EPC2: variants seen among roughly 807,000 people sequenced by gnomAD.
The protein encoded by EPC2 is enhancer of polycomb 2.
Under a neutral mutation model 92.1 loss-of-function variants are expected in EPC2, and 14 were observed. The observed-to-expected ratio is 0.15, with a 90% confidence interval of 0.10 to 0.24. EPC2 has a LOEUF of 0.24. EPC2 is among the 10% of genes least tolerant of loss of function. The pLI, the probability that EPC2 is intolerant of heterozygous loss-of-function variation, is 1.00. For missense variants in EPC2, 755 were observed against 971.5 expected, an observed-to-expected ratio of 0.78 and a Z score of 2.96; for synonymous variants, 340 against 334.7, an observed-to-expected ratio of 1.02 and a Z score of -0.17.
rs533342280 is a variant in EPC2 at position 148,688,905 on chromosome 2, A to G, written c.154-1309A>G. On this transcript the variant is annotated intron_variant, in intron 1 of 13. Transcript: ENST00000258484. ...GCAGTAAACAAATGAGATCTTTACT[A>G]TGATGTTGCAAAGTGGTATGGAGGA... Among the ~76,000 whole-genome samples the G allele has an allele frequency of 2.2e-4, 33 of 152,210 alleles. 1 individual carries two copies. In the South Asian group the frequency reaches 6.8e-3, roughly 32 times the overall value.
intron 1 of EPC2, among the ~76,000 whole-genome samples, chr2:148,662,424 CCAA>C (rs1427006165): frequency 6.6e-6 from 1 of 152,152 alleles, no homozygotes; most frequent in Non-Finnish European, 1.5e-5. Context: ...ACCCAAACGT[CCAA>C]CAACGATAGA....
At chr2:148,783,820 G>GTT in intron 12 of EPC2, 64 bp downstream of exon 12, 2 of 1,487,452 alleles carry the variant, frequency 1.3e-6, no homozygotes, top group Non-Finnish European at 1.8e-6. Context: ...TTGGGAGTTT[G>GTT]TTTTTTGTTT....
chr2:148,650,711 A>G (rs544137985), intron 1 of EPC2, among the ~76,000 whole-genome samples: 17 of 152,288 alleles, frequency 1.1e-4, no homozygotes, highest in Non-Finnish European at 2.2e-4. Context: ...CAGAATTACT[A>G]TTGGCACTAA....
chr2:148,728,675 A>AGCCATGATT (rs1553447415), intron 2 of EPC2, among the ~76,000 whole-genome samples: 2 of 150,614 alleles, frequency 1.3e-5, no homozygotes, highest in East Asian at 3.9e-4. Context: ...GGTTACAGTG[A>AGCCATGATT]GCCATGATCG....
chr2:148,756,936 T>C (rs1032313938), intron 4 of EPC2, among the ~76,000 whole-genome samples: 2 of 152,218 alleles, frequency 1.3e-5, no homozygotes, highest in African/African-American at 2.4e-5. Context: ...AACTGTAATA[T>C]GTAACTGTAT....
intron 1 of EPC2, among the ~76,000 whole-genome samples, chr2:148,684,027 CT>C (rs1359638834): frequency 6.6e-6 from 1 of 152,122 alleles, no homozygotes; most frequent in Non-Finnish European, 1.5e-5. Flanking sequence ...AACATCATTA[CT>C]TTTTAATTTT....
intron 2 of EPC2, among the ~76,000 whole-genome samples, chr2:148,693,832 G>A (rs1681688396): frequency 6.6e-6 from 1 of 152,104 alleles, no homozygotes; most frequent in Non-Finnish European, 1.5e-5. Flanking sequence ...ATTACCTTTA[G>A]GAGCCTTTTT....
chr2:148,779,705 T>G (rs960201077), intron 10 of EPC2, among the ~76,000 whole-genome samples: 7 of 152,228 alleles, frequency 4.6e-5, no homozygotes, highest in Non-Finnish European at 8.8e-5. Flanking sequence ...CTCTCTCAAT[T>G]TTGAAATAGT....
chr2:148,758,024 G>T (rs568252529), intron 4 of EPC2, among the ~76,000 whole-genome samples: 1 of 152,196 alleles, frequency 6.6e-6, no homozygotes, highest in African/African-American at 2.4e-5. Flanking sequence ...AAGAATGTTG[G>T]AGCCATGTCA....
At position 148,690,270 on chromosome 2, in the gene EPC2, G is replaced by C; in HGVS notation, c.210G>C (p.Glu70Asp). 6.2e-7 allele frequency: 1 copy of C among 1,611,690 alleles called. No homozygotes were observed. Among genetic ancestry groups the C allele is most frequent in the Non-Finnish European group, 8.5e-7 (1 of 1,179,290 alleles). Residue 70 changes from glutamate (E) to aspartate (D), a missense_variant, in exon 2 of 14, where the codon GAG becomes GAC. This residue lies in a region of EPC2 where 509 missense variants were observed against 607.7 expected (regional missense o/e 0.84). Transcript: ENST00000258484. ...SAQQVFREKKESMVIPVPEAE... is the reference protein window; with the variant it reads ...SAQQVFREKKDSMVIPVPEAE... Reference sequence around the variant, plus strand: ...AGCAAGTGTTTAGAGAAAAAAAAGAGAGTATGGTCATTCCTGTTCCTGAGG... The same window carrying C: ...AGCAAGTGTTTAGAGAAAAAAAAGACAGTATGGTCATTCCTGTTCCTGAGG...
intron 2 of EPC2, among the ~76,000 whole-genome samples, chr2:148,708,618 G>T: frequency 6.6e-6 from 1 of 152,074 alleles, no homozygotes; most frequent in Admixed American, 6.6e-5. Context: ...AAACTGAATT[G>T]AGAGGCACAT....
rs1260691542 is a variant in EPC2 at position 148,787,475 on chromosome 2, A to G, written c.*1098A>G. The G allele has an allele frequency of 6.6e-6, 1 of 152,622 alleles. No individual in the cohort carries two copies. The highest frequency in any genetic ancestry group is 1.5e-5 in the Non-Finnish European group (1 of 68,050). The allele number at this position is 152,622 out of a possible 1,614,324, so 9.5% of individuals were successfully genotyped here. A position where few individuals can be genotyped will look rare whatever the true frequency, so the allele number is the denominator to read the frequency against. On this transcript the variant is annotated 3_prime_UTR_variant, in exon 14 of 14. Coordinates refer to ENST00000258484, the MANE Select transcript of EPC2 (RefSeq NM_015630.4). The stretch of plus-strand genomic sequence containing the variant: ...TAGATACGTGTAGTGGTGTTTCAGA[A>G]TGTTTGTTTATGCACTAGTTCAGAC...
rs1683881727 is a variant in EPC2 at position 148,787,029 on chromosome 2, T to C, written c.*652T>C. On this transcript the variant is annotated 3_prime_UTR_variant, in exon 14 of 14. Transcript: ENST00000258484. Reference sequence around the variant, plus strand: ...TAGTAACTCACTTTTCCATATATTTTGAATGTATATTTCTATTTATGATAC... The same window carrying C: ...TAGTAACTCACTTTTCCATATATTTCGAATGTATATTTCTATTTATGATAC... The C allele has an allele frequency of 6.6e-6, 1 of 152,622 alleles. No homozygotes were observed. The highest frequency in any genetic ancestry group is 1.5e-5 in the Non-Finnish European group (1 of 68,038). The allele number at this position is 152,622 out of a possible 1,614,324, so 9.5% of individuals were successfully genotyped here. A position where few individuals can be genotyped will look rare whatever the true frequency, so the allele number is the denominator to read the frequency against.
intron 2 of EPC2, among the ~76,000 whole-genome samples, chr2:148,699,162 A>G (rs1415723390): frequency 6.6e-6 from 1 of 152,214 alleles, no homozygotes; most frequent in Non-Finnish European, 1.5e-5. Context: ...CTTTTTAAAA[A>G]ACAAATAAAC....
At chr2:148,704,197 A>G (rs930191921) in intron 2 of EPC2, among the ~76,000 whole-genome samples, 5 of 152,224 alleles carry the variant, frequency 3.3e-5, no homozygotes, top group Admixed American at 6.5e-5. Flanking sequence ...TGTACTTAGA[A>G]TGAATATTAT....
intron 10 of EPC2, among the ~76,000 whole-genome samples, chr2:148,774,443 A>G (rs1404767833): frequency 1.3e-5 from 2 of 151,492 alleles, no homozygotes; most frequent in Admixed American, 1.3e-4. Flanking sequence ...CCTGGGCAAC[A>G]TGGCAAAACC....
intron 2 of EPC2, among the ~76,000 whole-genome samples, chr2:148,719,854 G>A (rs1361340883): frequency 1.3e-5 from 2 of 152,250 alleles, no homozygotes; most frequent in South Asian, 2.1e-4. Flanking sequence ...AAACAGCCAA[G>A]GTGGCAACCT....
chr2:148,702,676 G>A (rs542518796), intron 2 of EPC2, among the ~76,000 whole-genome samples: 1 of 152,296 alleles, frequency 6.6e-6, no homozygotes, highest in African/African-American at 2.4e-5. Context: ...CAAGAGGCAA[G>A]GACATTAAAT....
intron 2 of EPC2, among the ~76,000 whole-genome samples, chr2:148,737,341 C>T (rs890377463): frequency 5.9e-5 from 9 of 151,902 alleles, no homozygotes; most frequent in African/African-American, 2.2e-4. Context: ...ACTAAAAGTC[C>T]TATCTATAAA....
Sources: allele counts gnomAD v4.1 joint callset (sites outside exome capture counted in the v4.1 genomes callset), GRCh38; gene constraint gnomAD v4.1.1; regional missense constraint gnomAD v4.1.1; transcripts MANE v1.5; gene names NCBI Gene and HGNC (gene_info 2026-07-23, HGNC 2026-07-21).